CCDC73: variants seen among roughly 807,000 people sequenced by gnomAD.
CCDC73 encodes the protein coiled-coil domain containing 73.
CCDC73 carries 95 observed loss-of-function variants against 116.5 expected under a neutral mutation model. The observed-to-expected ratio is 0.82, with a 90% CI of 0.69 to 0.97. CCDC73 has a LOEUF of 0.97. CCDC73 is among the 50% of genes least tolerant of loss of function. The pLI is 0.00. For missense variants in CCDC73, 1,066 were observed against 1,206.8 expected, an observed-to-expected ratio of 0.88 and a Z score of 1.73; for synonymous variants, 398 against 401.3, an observed-to-expected ratio of 0.99 and a Z score of 0.10.
At chr11:32,826,220 C>G in the CCDC73 span, among the ~76,000 whole-genome samples, 2 of 152,198 alleles carry the variant, frequency 1.3e-5, no homozygotes, top group African/African-American at 2.4e-5. Flanking sequence ...CAGTAGGAGT[C>G]TTTCATTTCT....
chr11:32,794,071 C>T (rs1275646775), intron 1 of CCDC73, among the ~76,000 whole-genome samples: 2 of 152,194 alleles, frequency 1.3e-5, no homozygotes, highest in African/African-American at 4.8e-5. Context: ...GGAATTTACA[C>T]ACTTCTGCAA....
chr11:32,700,034 A>G (rs2133313667), intron 5 of CCDC73, among the ~76,000 whole-genome samples: 1 of 151,766 alleles, frequency 6.6e-6, no homozygotes, highest in South Asian at 2.1e-4. Context: ...TACAATTATC[A>G]TGAAATAGAA....
intron 13 of CCDC73, among the ~76,000 whole-genome samples, chr11:32,640,652 T>C (rs1051169344): frequency 6.6e-6 from 1 of 152,194 alleles, no homozygotes; most frequent in Non-Finnish European, 1.5e-5. Context: ...ACAAAACTTT[T>C]CTTAGATTTA....
At chr11:32,680,467 C>T (rs937820827) in intron 7 of CCDC73, 1 of 152,016 alleles carries the variant, frequency 6.6e-6, no homozygotes, top group South Asian at 2.1e-4. Flanking sequence ...CACATGTACA[C>T]CTCATTTTAA....
chr11:32,741,150 A>G (rs921341853), intron 2 of CCDC73, among the ~76,000 whole-genome samples: 10 of 152,138 alleles, frequency 6.6e-5, no homozygotes, highest in Admixed American at 4.6e-4. Context: ...TTCTGCAGCT[A>G]TTGGATGAAA....
intron 2 of CCDC73, among the ~76,000 whole-genome samples, 186 bp from the exon 3 acceptor site, chr11:32,718,333 C>A (rs1218138108): frequency 1.3e-5 from 2 of 152,038 alleles, no homozygotes; most frequent in African/African-American, 4.8e-5. Context: ...AATCAAGTGC[C>A]CAAAATCTGG....
At chr11:32,783,133 A>G (rs1383862478) in intron 1 of CCDC73, among the ~76,000 whole-genome samples, 1 of 152,140 alleles carries the variant, frequency 6.6e-6, no homozygotes, top group African/African-American at 2.4e-5. Context: ...ACACTAGAGG[A>G]AATGAAAAGA....
chr11:32,613,888 C>G lies in CCDC73; in HGVS notation c.2430G>C (p.Lys810Asn). ...TTACCTGATTCTCATCAATCTGATTCTTTTTATTGGAAAACTCTGTTTCTG... is the reference window on the plus strand; with the variant it reads ...TTACCTGATTCTCATCAATCTGATTGTTTTTATTGGAAAACTCTGTTTCTG... ...TCTETEFSNK[K>N]NQIDENQVTE... The change falls in exon 16 of 18, where the codon AAG (lysine) becomes AAC (asparagine). Residue 810 changes from lysine (K) to asparagine (N), a missense_variant. Transcript: ENST00000335185. 1 of 1,613,110 alleles carries G rather than the reference C, an allele frequency of 6.2e-7. No homozygotes were observed. The highest frequency in any genetic ancestry group is 8.5e-7 in the Non-Finnish European group (1 of 1,179,868).
In CCDC73 at chr11:32,653,909, A is replaced by C. The variant is rs567785960; in HGVS notation, c.834+69T>G. On this transcript the variant is annotated intron_variant, in intron 11 of 17. Transcript: ENST00000335185. ...CCTACTATGTGCTATGCATGATTCC[A>C]CTTATTTTTTACATTTTATCTGATT... The C allele has an allele frequency of 1.2e-3, 1,818 of 1,531,082 alleles. 6 individuals are homozygous for C. The highest frequency in any genetic ancestry group is 3.3e-3 in the Middle Eastern group (19 of 5,764). 94.8% of individuals were successfully genotyped at this position (1,531,082 alleles called of 1,614,324 possible).
chr11:32,620,739 G>C (rs1855516581), intron 14 of CCDC73, among the ~76,000 whole-genome samples: 1 of 152,100 alleles, frequency 6.6e-6, no homozygotes, highest in East Asian at 1.9e-4. Context: ...TGAGTAACAG[G>C]AGGTGGGAAT....
intron 12 of CCDC73, among the ~76,000 whole-genome samples, chr11:32,644,878 T>A (rs1855763310): frequency 1.3e-5 from 2 of 152,184 alleles, no homozygotes. Flanking sequence ...TCTGGCTTCA[T>A]CTACTTAGCA....
chr11:32,614,937 G>A lies in CCDC73; in HGVS notation c.1381C>T (p.Gln461Ter). The change falls in exon 16 of 18, where the codon CAG becomes TAG. Residue 461 changes from glutamine to a stop codon, truncating the protein, a stop_gained. Coordinates refer to ENST00000335185, the MANE Select transcript of CCDC73 (RefSeq NM_001008391.4). LOFTEE classifies it high-confidence loss of function. ...FIEEIIIDDL[Q>*]LFEKSFKNEI... ...TTCTTGAAGCTTTTTTCAAAAAGCT[G>A]TAAATCTGTCATGATGGGAACACAG... 2 of 1,593,246 alleles carry A rather than the reference G, an allele frequency of 1.3e-6. No homozygotes were observed. Among genetic ancestry groups the A allele is most frequent in the Non-Finnish European group, 8.5e-7 (1 of 1,171,732 alleles).
chr11:32,741,918 C>T (rs902570339), intron 2 of CCDC73, among the ~76,000 whole-genome samples: 3 of 151,996 alleles, frequency 2.0e-5, no homozygotes, highest in Non-Finnish European at 4.4e-5. Flanking sequence ...GTTTGGTTTT[C>T]TGATCTTGTG....
In CCDC73 at chr11:32,683,523, G is replaced by A; in HGVS notation, c.429+13C>T. On this transcript the variant is annotated intron_variant, in intron 7 of 17. Transcript: ENST00000335185. The stretch of plus-strand genomic sequence containing the variant: ...ATCCAGATGGGGGAAAATATGTTTT[G>A]TAATTTCCTTACCATTTCACTCACT... 3 of 1,498,236 alleles carry A rather than the reference G, an allele frequency of 2.0e-6. No individual in the cohort carries two copies. The highest frequency in any genetic ancestry group is 2.8e-6 in the Non-Finnish European group (3 of 1,077,628). The allele number at this position is 1,498,236 out of a possible 1,614,324, so 92.8% of individuals were successfully genotyped here.
At chr11:32,791,795 T>C (rs1225403514) in intron 1 of CCDC73, among the ~76,000 whole-genome samples, 7 of 152,092 alleles carry the variant, frequency 4.6e-5, no homozygotes, top group Non-Finnish European at 7.4e-5. Flanking sequence ...ACCCCATCTC[T>C]ACCAAAAAAC....
chr11:32,769,996 T>C (rs1017140121), intron 1 of CCDC73, among the ~76,000 whole-genome samples: 5 of 152,246 alleles, frequency 3.3e-5, no homozygotes, highest in African/African-American at 1.2e-4. Context: ...GTATTAGTTA[T>C]TGCTGTATAA....
chr11:32,675,454 A>G (rs1168965976), intron 9 of CCDC73, 111 bp downstream of exon 9: 6 of 617,154 alleles, frequency 9.7e-6, no homozygotes, highest in African/African-American at 1.9e-5. Context: ...TGTATTGAAA[A>G]CAATTTATCC....
intron 2 of CCDC73, among the ~76,000 whole-genome samples, chr11:32,744,528 C>T (rs763568868): frequency 2.9e-4 from 44 of 152,210 alleles, no homozygotes; most frequent in Middle Eastern, 3.4e-3. Flanking sequence ...GCTGTGAATC[C>T]GTCTGGTCCT....
chr11:32,631,405 A>G (rs1188439524), intron 14 of CCDC73, among the ~76,000 whole-genome samples: 7 of 152,198 alleles, frequency 4.6e-5, no homozygotes, highest in African/African-American at 1.4e-4. Flanking sequence ...ACCAAAACCA[A>G]ATTAAATTCG....
Sources: allele counts gnomAD v4.1 joint callset (sites outside exome capture counted in the v4.1 genomes callset), GRCh38; gene constraint gnomAD v4.1.1; transcripts MANE v1.5; gene names NCBI Gene and HGNC (gene_info 2026-07-23, HGNC 2026-07-21).